IRGM: variants seen among roughly 807,000 people sequenced by gnomAD.
IRGM encodes the protein immunity related GTPase M.
For synonymous variants in IRGM, 98 were observed against 80.6 expected (o/e 1.22, Z -1.16); for missense variants, 288 against 219.9 (o/e 1.31, Z -1.96).
At chr5:150,878,135 C>G (rs1244034243) in intron 2 of IRGM, 1 of 418,460 alleles carries the variant, frequency 2.4e-6, no homozygotes, top group African/African-American at 2.1e-5. Context: ...AAAATCTTCA[C>G]TGATTTTAGT....
At chr5:150,879,426 A>G (rs1754412291) in intron 2 of IRGM, among the ~76,000 whole-genome samples, 1 of 152,224 alleles carries the variant, frequency 6.6e-6, no homozygotes, top group South Asian at 2.1e-4. Context: ...TGTGTTAAGA[A>G]TATGTCATCA....
intron 1 of IRGM, among the ~76,000 whole-genome samples, chr5:150,870,366 A>G (rs981431929): frequency 2.6e-5 from 4 of 152,146 alleles, no homozygotes; most frequent in Non-Finnish European, 5.9e-5. Flanking sequence ...CAAAGCTCAT[A>G]TCAGTGCTTG....
Position 150,874,014 on chromosome 5 carries a change from G to C in IRGM, c.159-3966G>C, listed in dbSNP as rs189011461. Among the ~76,000 whole-genome samples the C allele has an allele frequency of 1.2e-3, 177 of 152,314 alleles. 5 individuals are homozygous for C. The East Asian group carries it at 0.021, about 18-fold the overall frequency. On this transcript the variant is annotated intron_variant and NMD_transcript_variant, in intron 1 of 3. Transcript: ENST00000520549. ...ATTATCATAAGCTTAACCAAGTGGT[G>C]ACTCTGATTGCAGCTACTGTACCAG...
chr5:150,888,753 C>T (rs899881090), intron 3 of IRGM, among the ~76,000 whole-genome samples: 40 of 151,952 alleles, frequency 2.6e-4, no homozygotes, highest in East Asian at 9.7e-4. Context: ...CTAATGAAAA[C>T]GAAGATACAA....
At chr5:150,900,499 A>C (rs968950490) in intron 3 of IRGM, 1 of 152,038 alleles carries the variant, frequency 6.6e-6, no homozygotes, top group African/African-American at 2.4e-5. Flanking sequence ...TCTGCTACAG[A>C]ACTTTTATGT....
At chr5:150,861,279 G>A (rs1237240060) in intron 1 of IRGM, among the ~76,000 whole-genome samples, 2 of 151,948 alleles carry the variant, frequency 1.3e-5, no homozygotes, top group Non-Finnish European at 2.9e-5. Flanking sequence ...CTCTCCAAGT[G>A]GCTCTCTCAG....
rs961110308 is a variant in IRGM at position 150,847,781 on chromosome 5, C to G, written c.-343C>G. ...ACACTCTATTAGCTGCATCCTTAAC[C>G]TCTTTTTGCCACACCATAAGCATTG... On this transcript the variant is annotated 5_prime_UTR_variant, in exon 2 of 2. Coordinates refer to ENST00000522154, the MANE Select transcript of IRGM (RefSeq NM_001145805.2). 3.9e-6 allele frequency: 1 copy of G among 253,298 alleles called. No individual in the cohort carries two copies. The highest frequency in any genetic ancestry group is 5.1e-5 in the Admixed American group (1 of 19,640). The allele number at this position is 253,298 out of a possible 1,614,324, so 15.7% of individuals were successfully genotyped here. A position where few individuals can be genotyped will look rare whatever the true frequency, so the allele number is the denominator to read the frequency against.
chr5:150,857,544 A>G (rs868200223), intron 1 of IRGM, among the ~76,000 whole-genome samples: 49 of 151,898 alleles, frequency 3.2e-4, no homozygotes, highest in African/African-American at 1.1e-3. Context: ...CAGTCCCACC[A>G]ACAGTGTAAA....
intron 3 of IRGM, among the ~76,000 whole-genome samples, chr5:150,893,032 C>T (rs1754639969): frequency 3.3e-5 from 5 of 151,942 alleles, no homozygotes; most frequent in Admixed American, 2.6e-4. Context: ...GAGACTGTTG[C>T]TTAGGTATTT....
At chr5:150,849,847 C>T (rs532540714), downstream of IRGM, among the ~76,000 whole-genome samples, 5 of 152,030 alleles carry the variant, frequency 3.3e-5, no homozygotes, top group South Asian at 4.2e-4. Flanking sequence ...CCTTGTGATC[C>T]GCCTGCCTTG....
chr5:150,881,127 C>CAA (rs34104883), intron 3 of IRGM, among the ~76,000 whole-genome samples: 5,433 of 134,632 alleles, frequency 0.04, 162 homozygotes, highest in East Asian at 0.16. Context: ...AACTCCATAT[C>CAA]AAAAAAAAAA....
Position 150,848,469 on chromosome 5 carries a change from A to T in IRGM, c.346A>T (p.Ile116Phe). Reference protein sequence around the residue: ...MEMQFNRYDFIMVASAQFSMN... With the variant: ...MEMQFNRYDFFMVASAQFSMN... ...AATGCAGTTCAACCGGTATGACTTC[A>T]TCATGGTTGCATCTGCACAATTCAG... is the stretch of plus-strand genomic sequence containing the variant. The change falls in exon 2 of 2, where the codon ATC becomes TTC. Residue 116 changes from isoleucine to phenylalanine, a missense_variant. Physicochemically the swap from Ile to Phe is conservative, Grantham distance 21. Coordinates refer to ENST00000522154, the MANE Select transcript of IRGM (RefSeq NM_001145805.2). 6.4e-7 allele frequency: 1 copy of T among 1,551,872 alleles called. No individual in the cohort carries two copies.
chr5:150,873,986 T>G (rs764446530), intron 1 of IRGM, among the ~76,000 whole-genome samples: 1 of 152,238 alleles, frequency 6.6e-6, no homozygotes, highest in South Asian at 2.1e-4. Flanking sequence ...AGAATGACAG[T>G]GGATTATCAT....
At chr5:150,865,873 C>T (rs1486475529) in intron 1 of IRGM, among the ~76,000 whole-genome samples, 1 of 152,150 alleles carries the variant, frequency 6.6e-6, no homozygotes, top group African/African-American at 2.4e-5. Flanking sequence ...TCTCTTGCCT[C>T]AGCCTCCTGG....
At chr5:150,862,062 C>T (rs1372432466) in intron 1 of IRGM, among the ~76,000 whole-genome samples, 2 of 152,222 alleles carry the variant, frequency 1.3e-5, no homozygotes, top group Admixed American at 6.5e-5. Flanking sequence ...GGTGTGGTCT[C>T]ATCTGAATGT....
In IRGM at chr5:150,870,069, A is replaced by C. The variant is rs548665710; in HGVS notation, c.159-7911A>C. Among the ~76,000 whole-genome samples the C allele has an allele frequency of 3.3e-3, 502 of 152,282 alleles. 3 individuals are homozygous for C. The highest frequency in any genetic ancestry group is 0.011 in the African/African-American group (476 of 41,568). On this transcript the variant is annotated intron_variant and NMD_transcript_variant, in intron 1 of 3. Coordinates refer to the IRGM transcript ENST00000520549. ...CAAGGAGGAAAGAAAAATAATGCTA[A>C]TATCTGGGGTACAGATGAGAATAAA... is the stretch of plus-strand genomic sequence containing the variant.
At chr5:150,856,811 C>T (rs1294784586) in intron 1 of IRGM, among the ~76,000 whole-genome samples, 1 of 150,508 alleles carries the variant, frequency 6.6e-6, no homozygotes, top group East Asian at 1.9e-4. Flanking sequence ...CATATACATA[C>T]ACCTGCTGTG....
chr5:150,878,472 T>C (rs1404695347), intron 2 of IRGM, among the ~76,000 whole-genome samples: 1 of 152,138 alleles, frequency 6.6e-6, no homozygotes, highest in African/African-American at 2.4e-5. Flanking sequence ...TCTTCCTCTC[T>C]TCCAGCTCCT....
At chr5:150,887,409 G>T (rs959117138) in intron 3 of IRGM, among the ~76,000 whole-genome samples, 2 of 151,926 alleles carry the variant, frequency 1.3e-5, no homozygotes, top group Non-Finnish European at 2.9e-5. Context: ...GAATTAAAAG[G>T]AATGAACAAA....
Sources: allele counts gnomAD v4.1 joint callset (sites outside exome capture counted in the v4.1 genomes callset), GRCh38; gene constraint gnomAD v4.1.1; transcripts MANE v1.5; gene names NCBI Gene and HGNC (gene_info 2026-07-23, HGNC 2026-07-21).